The following PCDH9 variants were observed in gnomAD, a reference collection of about 807,000 sequenced individuals.
The protein encoded by PCDH9 is protocadherin-9.
In PCDH9, 24 loss-of-function variants were observed where a neutral mutation model predicts 70.6. That is an observed-to-expected ratio of 0.34 (90% CI 0.25 to 0.48). The LOEUF (loss-of-function observed/expected upper bound fraction) is 0.48. Among genes scored for constraint, PCDH9 ranks in the 20% least tolerant of loss-of-function variants. The pLI is 0.99. For synonymous variants in PCDH9, 562 were observed against 558.5 expected (o/e 1.01, Z -0.09); for missense variants, 1,281 against 1,503.6 (o/e 0.85, Z 2.45).
intron 3 of PCDH9, among the ~76,000 whole-genome samples, chr13:66,896,335 C>T (rs1457498439): frequency 2.6e-5 from 4 of 152,088 alleles, no homozygotes; most frequent in East Asian, 3.9e-4. Flanking sequence ...TGTTTAGCCT[C>T]GGGAAAACAC....
chr13:66,982,230 A>G (rs1014702175), intron 2 of PCDH9, among the ~76,000 whole-genome samples: 2 of 152,208 alleles, frequency 1.3e-5, no homozygotes, highest in African/African-American at 4.8e-5. Flanking sequence ...GAGCGATGTC[A>G]GCCCCATGCT....
chr13:66,876,522 G>C (rs1475917498), intron 3 of PCDH9, among the ~76,000 whole-genome samples: 2 of 152,100 alleles, frequency 1.3e-5, no homozygotes, highest in African/African-American at 4.8e-5. Context: ...TGTTTTAGTA[G>C]AATGAATTTG....
chr13:66,363,210 T>A (rs1956500422), intron 4 of PCDH9, among the ~76,000 whole-genome samples: 1 of 152,148 alleles, frequency 6.6e-6, no homozygotes, highest in Admixed American at 6.6e-5. Context: ...ACAACTTGTG[T>A]AAAGGTCCTT....
intron 2 of PCDH9, among the ~76,000 whole-genome samples, chr13:66,912,625 A>C (rs1034483091): frequency 6.6e-6 from 1 of 152,082 alleles, no homozygotes; most frequent in African/African-American, 2.4e-5. Context: ...TGGAATATTC[A>C]TTAAACAAAA....
chr13:67,035,579 T>A (rs1008125822), intron 2 of PCDH9, among the ~76,000 whole-genome samples: 1 of 149,022 alleles, frequency 6.7e-6, no homozygotes, highest in East Asian at 1.9e-4. Context: ...ATTTAAATGA[T>A]ATAGTATAAT....
intron 3 of PCDH9, among the ~76,000 whole-genome samples, chr13:66,900,097 T>C (rs2082252812): frequency 6.6e-6 from 1 of 151,924 alleles, no homozygotes; most frequent in African/African-American, 2.4e-5. Context: ...ATCTCTGGTC[T>C]CTGACAATCA....
At position 66,498,900 on chromosome 13, in the gene PCDH9, T is replaced by C. The variant is rs140496630; in HGVS notation, c.3340+132310A>G. On this transcript the variant is annotated intron_variant, in intron 4 of 4. Transcript: ENST00000377865. ...TTGTTTTTCACCAACAGAATTGAAA[T>C]ACAAGACCAGAACAATTTTCAGATT... 3.0e-4 allele frequency among the ~76,000 whole-genome samples: 45 copies of C among 151,830 alleles called. No homozygotes were observed. In the East Asian group the frequency reaches 7.4e-3, roughly 25 times the overall value.
intron 3 of PCDH9, among the ~76,000 whole-genome samples, chr13:66,640,010 A>G (rs1295551825): frequency 6.6e-6 from 1 of 152,206 alleles, no homozygotes; most frequent in Non-Finnish European, 1.5e-5. Context: ...ACCCAGCAAG[A>G]GTCCTTTCCA....
At chr13:66,467,131 A>G (rs1029166778) in intron 4 of PCDH9, among the ~76,000 whole-genome samples, 16 of 152,044 alleles carry the variant, frequency 1.1e-4, no homozygotes, top group Admixed American at 7.9e-4. Context: ...GAGCACCAAA[A>G]AAGTACATTA....
At chr13:67,146,845 T>C (rs2087534998) in intron 2 of PCDH9, among the ~76,000 whole-genome samples, 1 of 152,234 alleles carries the variant, frequency 6.6e-6, no homozygotes, top group African/African-American at 2.4e-5. Context: ...TTTATTTTTT[T>C]CTGAACATTT....
At chr13:66,506,596 G>A (rs2138573443) in intron 4 of PCDH9, among the ~76,000 whole-genome samples, 1 of 152,280 alleles carries the variant, frequency 6.6e-6, no homozygotes, top group Non-Finnish European at 1.5e-5. Flanking sequence ...CCATTTTGCG[G>A]TCAGTGAGCA....
chr13:66,333,151 G>C (rs1303172167), intron 4 of PCDH9, among the ~76,000 whole-genome samples: 1 of 152,104 alleles, frequency 6.6e-6, no homozygotes, highest in African/African-American at 2.4e-5. Flanking sequence ...AATGTAAAAA[G>C]ACAAGAATGA....
At chr13:66,359,912 T>C (rs984180459) in intron 4 of PCDH9, among the ~76,000 whole-genome samples, 4 of 152,098 alleles carry the variant, frequency 2.6e-5, no homozygotes, top group Admixed American at 6.6e-5. Context: ...TTTTAATACA[T>C]AAAAAGATGA....
At chr13:66,440,508 CTA>C (rs1312706923) in intron 4 of PCDH9, among the ~76,000 whole-genome samples, 5 of 151,784 alleles carry the variant, frequency 3.3e-5, no homozygotes, top group Admixed American at 6.6e-5. Context: ...AATGTTGAAA[CTA>C]TGTTAATTTT....
intron 4 of PCDH9, among the ~76,000 whole-genome samples, chr13:66,368,259 T>G (rs1956585692): frequency 6.6e-6 from 1 of 152,098 alleles, no homozygotes; most frequent in Admixed American, 6.6e-5. Context: ...AATTTGAAAG[T>G]ACACCAGTTT....
At chr13:67,160,551 A>G (rs1228167428) in intron 2 of PCDH9, among the ~76,000 whole-genome samples, 1 of 146,568 alleles carries the variant, frequency 6.8e-6, no homozygotes, top group Admixed American at 6.9e-5. Context: ...CGTCTCAAAA[A>G]AAAAAAGTGA....
chr13:66,849,826 A>C (rs2081285473), intron 3 of PCDH9, among the ~76,000 whole-genome samples: 1 of 152,106 alleles, frequency 6.6e-6, no homozygotes, highest in African/African-American at 2.4e-5. Flanking sequence ...CTTCAAGAAG[A>C]GCTACCAGAA....
intron 2 of PCDH9, chr13:67,211,594 A>G (rs899810579): frequency 2.6e-5 from 4 of 152,118 alleles, no homozygotes; most frequent in African/African-American, 7.2e-5. Flanking sequence ...TCTTGGCTGT[A>G]ATAGCCGAAT....
rs529434200 is a variant in PCDH9, at chr13:67,166,829, C to T, written c.3036+58576G>A. ...TACCTGCGTTTGTCTGGCTAAAAGACCATCACTTGTTTATCCTTTTTTTGA... is the reference window on the plus strand; with the variant it reads ...TACCTGCGTTTGTCTGGCTAAAAGATCATCACTTGTTTATCCTTTTTTTGA... On this transcript the variant is annotated intron_variant, in intron 2 of 4. Coordinates refer to ENST00000377865, the MANE Select transcript of PCDH9 (RefSeq NM_203487.3). Among the ~76,000 whole-genome samples the T allele has an allele frequency of 7.2e-5, 11 of 152,216 alleles. No homozygotes were observed. In the South Asian group the frequency reaches 1.0e-3, roughly 14 times the overall value.
Sources: allele counts gnomAD v4.1 joint callset (sites outside exome capture counted in the v4.1 genomes callset), GRCh38; gene constraint gnomAD v4.1.1; transcripts MANE v1.5; gene names NCBI Gene and HGNC (gene_info 2026-07-23, HGNC 2026-07-21).